The following MCU variants were observed in gnomAD, a reference collection of about 807,000 sequenced individuals.
The protein encoded by MCU is calcium uniporter protein, mitochondrial.
In MCU, 12 loss-of-function variants were observed where a neutral mutation model predicts 45.2. That is an observed-to-expected ratio of 0.27 (90% CI 0.17 to 0.43). The LOEUF is 0.43. MCU is among the 20% of genes least tolerant of loss of function. The pLI, the probability that MCU is intolerant of heterozygous loss-of-function variation, is 1.00. For synonymous variants in MCU, 160 were observed against 165.1 expected (o/e 0.97, Z 0.24); for missense variants, 324 against 436.7 (o/e 0.74, Z 2.30).
At chr10:72,832,925 C>A (rs1373257724) in intron 1 of MCU, among the ~76,000 whole-genome samples, 1 of 41,108 alleles carries the variant, frequency 2.4e-5, no homozygotes, top group Non-Finnish European at 7.3e-5. Context: ...TTTTTTGAAA[C>A]CAATAGCTAT....
intron 1 of MCU, among the ~76,000 whole-genome samples, chr10:72,715,492 C>G (rs141283183): frequency 6.6e-6 from 1 of 152,194 alleles, no homozygotes; most frequent in East Asian, 1.9e-4. Context: ...TGGTAAACAA[C>G]CCCAATAAAT....
intron 1 of MCU, among the ~76,000 whole-genome samples, chr10:72,768,832 G>A (rs923533247): frequency 3.3e-5 from 5 of 152,022 alleles, no homozygotes; most frequent in Non-Finnish European, 5.9e-5. Context: ...TCTATTCCAA[G>A]CCGCTGACAC....
At chr10:72,703,937 G>A (rs1373202669) in intron 1 of MCU, among the ~76,000 whole-genome samples, 1 of 151,916 alleles carries the variant, frequency 6.6e-6, no homozygotes, top group Non-Finnish European at 1.5e-5. Context: ...CTAAAAAAAA[G>A]TTTCATGAAA....
intron 1 of MCU, among the ~76,000 whole-genome samples, chr10:72,769,335 C>G (rs1843772963): frequency 6.6e-6 from 1 of 152,242 alleles, no homozygotes; most frequent in South Asian, 2.1e-4. Context: ...TGTGTTACAA[C>G]TGCTGCTTTG....
At chr10:72,859,095 C>G in intron 2 of MCU, 82 bp from the exon 3 acceptor site, 1 of 1,258,612 alleles carries the variant, frequency 7.9e-7, no homozygotes, top group East Asian at 2.4e-5. Context: ...AATAATAGAC[C>G]CCCATGCAAG....
chr10:72,722,238 C>T (rs970407555), intron 1 of MCU, among the ~76,000 whole-genome samples: 2 of 148,326 alleles, frequency 1.3e-5, no homozygotes, highest in African/African-American at 5.0e-5. Context: ...ATCACTTGAA[C>T]CCGGGAGGCA....
rs1249652718 is a variant in MCU, at chr10:72,887,264, C to T, written c.*1442C>T. 6.5e-6 allele frequency: 1 copy of T among 152,676 alleles called. No individual in the cohort carries two copies. Among genetic ancestry groups the T allele is most frequent in the African/African-American group, 2.4e-5 (1 of 41,394 alleles). The allele number at this position is 152,676 out of a possible 1,614,324, so 9.5% of individuals were successfully genotyped here. A position where few individuals can be genotyped will look rare whatever the true frequency, so the allele number is the denominator to read the frequency against. ...AAAAACTTTAAATGACAAACCCAGA[C>T]TCCAGGTGCCTTGCAAAGGTTGAAG... On this transcript the variant is annotated 3_prime_UTR_variant, in exon 8 of 8. Transcript: ENST00000373053.
chr10:72,693,160 A>G (rs1271039775), intron 1 of MCU: 23 of 1,271,276 alleles, frequency 1.8e-5, no homozygotes, highest in Middle Eastern at 1.8e-4. Flanking sequence ...TTCTGTTTGA[A>G]CACTCTTGGG....
At chr10:72,834,722 C>T (rs910278955) in intron 2 of MCU, among the ~76,000 whole-genome samples, 2 of 152,096 alleles carry the variant, frequency 1.3e-5, no homozygotes, top group Middle Eastern at 3.2e-3. Context: ...AGTGCAGTGG[C>T]GCGATCTCAG....
intron 1 of MCU, among the ~76,000 whole-genome samples, chr10:72,759,216 C>A (rs1291150643): frequency 1.3e-5 from 2 of 152,084 alleles, no homozygotes; most frequent in Non-Finnish European, 2.9e-5. Flanking sequence ...ATTCCTGTCC[C>A]TTTTAAGGGC....
At chr10:72,773,291 A>G (rs1444298538) in intron 1 of MCU, among the ~76,000 whole-genome samples, 2 of 152,204 alleles carry the variant, frequency 1.3e-5, no homozygotes, top group Non-Finnish European at 2.9e-5. Context: ...AGAGATTGAA[A>G]TAATTAAAGA....
Position 72,745,651 on chromosome 10 carries a change from G to T in MCU, c.150+53350G>T, listed in dbSNP as rs202048597. ...TCACTGAGAGCCTTTTTTCTTGTTT[G>T]TTTTTTCCTTTACCATATATTATAA... On this transcript the variant is annotated intron_variant, in intron 1 of 7. Transcript: ENST00000373053. Among the ~76,000 whole-genome samples the T allele has an allele frequency of 2.6e-3, 394 of 152,038 alleles. 4 individuals carry two copies. The highest frequency in any genetic ancestry group is 9.1e-3 in the African/African-American group (378 of 41,484).
chr10:72,747,892 T>C (rs774330996), intron 1 of MCU, among the ~76,000 whole-genome samples: 1 of 151,986 alleles, frequency 6.6e-6, no homozygotes, highest in Non-Finnish European at 1.5e-5. Flanking sequence ...TAAAATATTT[T>C]AGTAGCCGTA....
intron 1 of MCU, among the ~76,000 whole-genome samples, chr10:72,707,780 T>C (rs2132656850): frequency 6.6e-6 from 1 of 152,288 alleles, no homozygotes; most frequent in East Asian, 1.9e-4. Context: ...TTGGTCTTAA[T>C]ATTTTTGTCA....
At chr10:72,805,540 C>T (rs912583510) in intron 1 of MCU, among the ~76,000 whole-genome samples, 2 of 152,154 alleles carry the variant, frequency 1.3e-5, no homozygotes, top group Non-Finnish European at 2.9e-5. Context: ...AGCCACCTCA[C>T]CCGGCTGCCC....
chr10:72,779,116 C>T (rs529529106), intron 1 of MCU, among the ~76,000 whole-genome samples: 10 of 152,150 alleles, frequency 6.6e-5, no homozygotes, highest in African/African-American at 1.4e-4. Flanking sequence ...ACTACAGGCA[C>T]GTGCCACCAT....
chr10:72,762,959 A>G (rs572720220), intron 1 of MCU, among the ~76,000 whole-genome samples: 1 of 152,174 alleles, frequency 6.6e-6, no homozygotes, highest in Non-Finnish European at 1.5e-5. Flanking sequence ...CTGTGAGAGC[A>G]GAATCTGTTT....
chr10:72,796,764 G>A (rs890390954), intron 1 of MCU, among the ~76,000 whole-genome samples: 1 of 149,284 alleles, frequency 6.7e-6, no homozygotes, highest in African/African-American at 2.5e-5. Flanking sequence ...CTGGCCTCAA[G>A]TGACCTTCCT....
intron 1 of MCU, among the ~76,000 whole-genome samples, chr10:72,777,521 ACT>A (rs1456750222): frequency 1.3e-5 from 2 of 152,176 alleles, no homozygotes; most frequent in Non-Finnish European, 2.9e-5. Context: ...TAGACCCCTA[ACT>A]CTCTCCATTC....
Sources: gnomAD v4.1 joint callset for allele counts (sites outside exome capture counted in the v4.1 genomes callset) on GRCh38, gnomAD v4.1.1 for gene constraint, MANE v1.5 for transcripts, NCBI Gene and HGNC (gene_info 2026-07-23, HGNC 2026-07-21) for gene names.